Variants in CUX1 observed in about 807,000 individuals in gnomAD.
The protein encoded by CUX1 is protein CASP.
CUX1 carries 31 observed loss-of-function variants against 158.8 expected under a neutral mutation model. The observed-to-expected ratio is 0.20, with a 90% confidence interval of 0.15 to 0.26. The LOEUF (loss-of-function observed/expected upper bound fraction) is 0.26, where lower values mean the gene tolerates loss of function less well. Ranked by LOEUF, CUX1 falls within the 10% of genes least tolerant of loss-of-function variation. The pLI is 1.00. For missense variants in CUX1, 1,589 were observed against 2,014.6 expected (o/e 0.79, Z 4.04); for synonymous variants, 879 against 862.1 (o/e 1.02, Z -0.34).
At chr7:101,936,803 A>G (rs1478525856) in intron 2 of CUX1, among the ~76,000 whole-genome samples, 2 of 152,176 alleles carry the variant, frequency 1.3e-5, no homozygotes, top group Non-Finnish European at 2.9e-5. Flanking sequence ...TCATGCAATC[A>G]GGGTTCCCAG....
chr7:102,015,522 C>G (rs543522547), intron 2 of CUX1, among the ~76,000 whole-genome samples: 1 of 152,254 alleles, frequency 6.6e-6, no homozygotes, highest in African/African-American at 2.4e-5. Context: ...GCCACCGCAT[C>G]CAGCCGAAAG....
intron 1 of CUX1, among the ~76,000 whole-genome samples, chr7:101,914,910 T>C (rs1039863803): frequency 2.0e-5 from 3 of 152,200 alleles, no homozygotes; most frequent in African/African-American, 7.2e-5. Context: ...GTAGGTTTGC[T>C]GGTTAACTTC....
At chr7:102,276,493 G>C (rs933766394) in intron 17 of CUX1, among the ~76,000 whole-genome samples, 10 of 152,288 alleles carry the variant, frequency 6.6e-5, no homozygotes, top group South Asian at 6.2e-4. Flanking sequence ...GTAGAGACAG[G>C]ATTTCTCCAT....
At chr7:101,964,821 G>A (rs1048690995) in intron 2 of CUX1, among the ~76,000 whole-genome samples, 2 of 152,198 alleles carry the variant, frequency 1.3e-5, no homozygotes, top group African/African-American at 4.8e-5. Flanking sequence ...GTTGCATTTG[G>A]ACCAGAGCAG....
chr7:102,216,132 C>T (rs1797019363), intron 20 of CUX1, among the ~76,000 whole-genome samples: 1 of 152,164 alleles, frequency 6.6e-6, no homozygotes, highest in African/African-American at 2.4e-5. Context: ...GGGGAAACCC[C>T]ATCTCTACAA....
At chr7:102,224,695 G>A (rs782714834) in intron 20 of CUX1, among the ~76,000 whole-genome samples, 1 of 152,136 alleles carries the variant, frequency 6.6e-6, no homozygotes, top group African/African-American at 2.4e-5. Flanking sequence ...GGTTCATGAT[G>A]GCACAAATCC....
chr7:101,932,023 C>T (rs1226958953), intron 2 of CUX1, among the ~76,000 whole-genome samples: 1 of 152,166 alleles, frequency 6.6e-6, no homozygotes, highest in Non-Finnish European at 1.5e-5. Context: ...CGGAAACTAC[C>T]TACATGGACT....
intron 3 of CUX1, among the ~76,000 whole-genome samples, chr7:102,047,500 G>A (rs1822958413): frequency 6.6e-6 from 1 of 150,488 alleles, no homozygotes; most frequent in African/African-American, 2.4e-5. Context: ...GAGATGGAGG[G>A]AGGGAGGGAA....
intron 1 of CUX1, among the ~76,000 whole-genome samples, chr7:101,884,740 T>A (rs114756215): frequency 0.01 from 1,577 of 152,356 alleles, 25 homozygotes; most frequent in African/African-American, 0.036. Flanking sequence ...GACTTTAGCA[T>A]AGAAAGTGCT....
intron 9 of CUX1, among the ~76,000 whole-genome samples, chr7:102,165,234 T>C (rs1445065646): frequency 6.6e-6 from 1 of 152,100 alleles, no homozygotes; most frequent in East Asian, 1.9e-4. Flanking sequence ...CTCTGTGTCC[T>C]TCCCATGATG....
At chr7:102,105,222 C>G (rs1830212702) in intron 6 of CUX1, among the ~76,000 whole-genome samples, 2 of 151,508 alleles carry the variant, frequency 1.3e-5, no homozygotes, top group South Asian at 4.2e-4. Context: ...CACAGACTCT[C>G]TGATGTATTT....
At chr7:102,125,330 C>T (rs868921397) in intron 8 of CUX1, among the ~76,000 whole-genome samples, 109 of 152,266 alleles carry the variant, frequency 7.2e-4, no homozygotes, top group African/African-American at 2.4e-3. Context: ...AGAAAGCAGG[C>T]GCCACCCAGC....
intron 21 of CUX1, among the ~76,000 whole-genome samples, chr7:102,230,523 G>C (rs1554530310): frequency 6.6e-6 from 1 of 151,136 alleles, no homozygotes; most frequent in East Asian, 1.9e-4. Context: ...GAACAGAGTA[G>C]CTGAGTTCCA....
intron 8 of CUX1, 108 bp from the exon 9 acceptor site, chr7:102,158,452 G>A (rs935563340): frequency 1.1e-5 from 11 of 1,024,592 alleles, no homozygotes; most frequent in Admixed American, 1.9e-5. Context: ...ATTGACTCAC[G>A]GGTCTGCACA....
rs537151716 is a variant in CUX1, at chr7:102,050,909, G to T, written c.190-19430G>T. 6.4e-4 allele frequency among the ~76,000 whole-genome samples: 97 copies of T among 152,120 alleles called. 2 individuals carry two copies. In the South Asian group the frequency reaches 0.019, roughly 30 times the overall value. On this transcript the variant is annotated intron_variant, in intron 3 of 23. Transcript: ENST00000292535. ...TATTTCCCTAACCTCGCTGGAATCAGCTCCCTCCTTCCCAGCAGTTGGCTT... is the reference window on the plus strand; with the variant it reads ...TATTTCCCTAACCTCGCTGGAATCATCTCCCTCCTTCCCAGCAGTTGGCTT...
intron 1 of CUX1, among the ~76,000 whole-genome samples, chr7:101,845,142 ATC>A (rs34863822): frequency 6.0e-5 from 9 of 149,830 alleles, no homozygotes; most frequent in African/African-American, 7.3e-5. Flanking sequence ...TCTGTTGTCC[ATC>A]TCTCTCTCTC....
intron 22 of CUX1, among the ~76,000 whole-genome samples, chr7:102,236,672 C>A (rs868936824): frequency 3.3e-5 from 5 of 152,220 alleles, no homozygotes; most frequent in African/African-American, 7.2e-5. Flanking sequence ...TCCCGTGATC[C>A]CCTCACCCGA....
At chr7:102,203,439 C>T (rs1348138998) in intron 18 of CUX1, among the ~76,000 whole-genome samples, 6 of 152,092 alleles carry the variant, frequency 3.9e-5, no homozygotes, top group African/African-American at 1.2e-4. Context: ...CTGTGAATCC[C>T]GGTGGTGTCC....
At chr7:102,111,568 CG>C in intron 6 of CUX1, 129 bp from the exon 7 acceptor site, 1 of 758,996 alleles carries the variant, frequency 1.3e-6, no homozygotes. Context: ...CGTGTCGTTG[CG>C]GGCGATACCC....
Sources: allele counts gnomAD v4.1 joint callset (sites outside exome capture counted in the v4.1 genomes callset), GRCh38; gene constraint gnomAD v4.1.1; transcripts MANE v1.5; gene names NCBI Gene and HGNC (gene_info 2026-07-23, HGNC 2026-07-21).